FDFT1: variants seen among roughly 807,000 people sequenced by gnomAD.
The protein encoded by FDFT1 is squalene synthase.
FDFT1 carries 68 observed loss-of-function variants against 46.8 expected under a neutral mutation model. The observed-to-expected ratio is 1.45, with a 90% CI of 1.19 to 1.78. The LOEUF is 1.78. Among genes scored for constraint, FDFT1 ranks in the 40% most tolerant of loss-of-function variants. FDFT1 has a pLI of 0.00. For missense variants in FDFT1, 928 were observed against 524.4 expected (o/e 1.77, Z -7.52); for synonymous variants, 351 against 185.1 (o/e 1.90, Z -7.28).
At chr8:11,804,600 C>CAT (rs777091099) in intron 1 of FDFT1, among the ~76,000 whole-genome samples, 4 of 97,364 alleles carry the variant, frequency 4.1e-5, no homozygotes, top group Admixed American at 1.4e-4. Flanking sequence ...CTTAGTTTCT[C>CAT]TTTTTTTTTT....
intron 4 of FDFT1, among the ~76,000 whole-genome samples, chr8:11,825,262 G>C (rs2645426): frequency 0.6 from 90,392 of 151,790 alleles, 27,480 homozygotes; most frequent in Middle Eastern, 0.64. Flanking sequence ...TAAAGCTAGG[G>C]CGGGCACGGT....
chr8:11,813,638 T>C (rs1285050251), intron 3 of FDFT1, among the ~76,000 whole-genome samples: 1 of 152,212 alleles, frequency 6.6e-6, no homozygotes, highest in East Asian at 1.9e-4. Flanking sequence ...ATCAGAGGAA[T>C]TTGTATCTGT....
At position 11,809,761 on chromosome 8, in the gene FDFT1, C is replaced by T. The variant is rs754425838; in HGVS notation, c.292C>T (p.His98Tyr). The T allele has an allele frequency of 6.2e-7, 1 of 1,613,966 alleles. No individual in the cohort carries two copies. The highest frequency in any genetic ancestry group is 8.5e-7 in the Non-Finnish European group (1 of 1,179,962). Residue 98 changes from histidine to tyrosine, a missense_variant, in exon 3 of 8, where the codon CAC (histidine) becomes TAC (tyrosine). Coordinates refer to ENST00000220584, the MANE Select transcript of FDFT1 (RefSeq NM_004462.5). ...ISVEKKVPLL[H>Y]NFHSFLYQPD... ...TGTGGAAAAGAAGGTCCCGCTGTTA[C>T]ACAACTTTCACTCTTTCCTTTACCA... is the stretch of plus-strand genomic sequence containing the variant.
chr8:11,816,354 C>CT (rs1808448984), intron 3 of FDFT1, among the ~76,000 whole-genome samples: 2 of 152,262 alleles, frequency 1.3e-5, no homozygotes, highest in Admixed American at 6.5e-5. Context: ...TATGCAGGCT[C>CT]TTTTTTGCTT....
At chr8:11,813,103 G>C (rs1016184760) in intron 3 of FDFT1, among the ~76,000 whole-genome samples, 1 of 152,166 alleles carries the variant, frequency 6.6e-6, no homozygotes, top group African/African-American at 2.4e-5. Flanking sequence ...GAGCACAGTG[G>C]TAAGTATTTG....
At chr8:11,803,955 G>C (rs1405019205) in intron 1 of FDFT1, 1 of 152,254 alleles carries the variant, frequency 6.6e-6, no homozygotes, top group Non-Finnish European at 1.5e-5. Flanking sequence ...TACATTATTT[G>C]AATTATTTTG....
upstream of FDFT1, chr8:11,802,631 C>G (rs375224673): frequency 3.4e-6 from 2 of 592,178 alleles, no homozygotes; most frequent in African/African-American, 1.9e-5. Flanking sequence ...CGTCAGCCCA[C>G]CCCACGAGGC....
upstream of FDFT1, among the ~76,000 whole-genome samples, chr8:11,799,071 A>C (rs916469487): frequency 1.5e-4 from 23 of 152,218 alleles, no homozygotes; most frequent in African/African-American, 5.3e-4. Context: ...TGACACATTG[A>C]ACAAACATGT....
chr8:11,802,551 A>G, upstream of FDFT1: 1 of 585,934 alleles, frequency 1.7e-6, no homozygotes, highest in Non-Finnish European at 3.2e-6. Context: ...GAGTGTTATC[A>G]CGCCAGTCTC....
rs141005971 is a variant in FDFT1, at chr8:11,808,350, T to A, written c.100-444T>A. 7.4e-3 allele frequency: 9,088 copies of A among 1,231,942 alleles called. 115 individuals carry two copies. Among genetic ancestry groups the A allele is most frequent in the Admixed American group, 0.061 (1,445 of 23,500 alleles). The allele number at this position is 1,231,942 out of a possible 1,614,324, so 76.3% of individuals were successfully genotyped here. The stretch of plus-strand genomic sequence containing the variant: ...GGGCAACAGCGGGAGGAGGCGCCGG[T>A]GCGGAGCGGGAGGCCGGGGGCGGGG... On this transcript the variant is annotated intron_variant, in intron 1 of 7. Transcript: ENST00000220584.
At chr8:11,815,181 C>T (rs149195824) in intron 3 of FDFT1, among the ~76,000 whole-genome samples, 228 of 152,294 alleles carry the variant, frequency 1.5e-3, no homozygotes, top group African/African-American at 5.2e-3. Flanking sequence ...ATCCATGTCC[C>T]TGCAAAGGAC....
At position 11,823,527 on chromosome 8, in the gene FDFT1, G is replaced by A. The variant is rs562622480; in HGVS notation, c.510+1649G>A. ...TTTCAAGTGCTTTCTCTTCACCTGT[G>A]CATTCTTCCCCCTGATTAGTCTCTG... On this transcript the variant is annotated intron_variant, in intron 4 of 7. Coordinates refer to ENST00000220584, the MANE Select transcript of FDFT1 (RefSeq NM_004462.5). Among the ~76,000 whole-genome samples the A allele has an allele frequency of 2.0e-5, 3 of 151,972 alleles. No individual in the cohort carries two copies. The South Asian group carries it at 6.2e-4, about 32-fold the overall frequency.
At chr8:11,836,166 A>T (rs1277049759) in intron 7 of FDFT1, among the ~76,000 whole-genome samples, 4 of 150,838 alleles carry the variant, frequency 2.7e-5, no homozygotes, top group Non-Finnish European at 5.9e-5. Context: ...AAAAAAAAAA[A>T]ATCTACAATA....
chr8:11,832,110 C>T (rs992744474), intron 7 of FDFT1, among the ~76,000 whole-genome samples: 1 of 152,172 alleles, frequency 6.6e-6, no homozygotes, highest in Non-Finnish European at 1.5e-5. Flanking sequence ...ATTGAAAAAT[C>T]ACAGTAGGGA....
At chr8:11,802,701 G>A, upstream of FDFT1, 1 of 692,172 alleles carries the variant, frequency 1.4e-6, no homozygotes. Flanking sequence ...CGGGCGGGGC[G>A]TCGCCGTACT....
chr8:11,838,930 G>A lies in FDFT1; in HGVS notation c.*321G>A. ...TGAGATCCTACTTAGTATGATCCTGGCTAGAATGATAATTAAAAGTATTTA... is the reference window on the plus strand; with the variant it reads ...TGAGATCCTACTTAGTATGATCCTGACTAGAATGATAATTAAAAGTATTTA... On this transcript the variant is annotated 3_prime_UTR_variant, in exon 8 of 8. Coordinates refer to ENST00000220584, the MANE Select transcript of FDFT1 (RefSeq NM_004462.5). 1 of 272,502 alleles carries A rather than the reference G, an allele frequency of 3.7e-6. No homozygotes were observed. Among genetic ancestry groups the A allele is most frequent in the South Asian group, 5.3e-5 (1 of 18,870 alleles). The allele number at this position is 272,502 out of a possible 1,614,324, so 16.9% of individuals were successfully genotyped here.
At chr8:11,812,859 G>C (rs921647059) in intron 3 of FDFT1, among the ~76,000 whole-genome samples, 4 of 152,178 alleles carry the variant, frequency 2.6e-5, no homozygotes, top group Non-Finnish European at 5.9e-5. Flanking sequence ...AAATCTCATT[G>C]TATGTTAGGG....
At chr8:11,808,523 C>G (rs1001084195) in intron 1 of FDFT1, 3 of 1,333,936 alleles carry the variant, frequency 2.2e-6, no homozygotes, top group Admixed American at 3.8e-5. Context: ...TTCCCATGGC[C>G]GCAGCCGCCT....
At position 11,830,381 on chromosome 8, in the gene FDFT1, C is replaced by G. The variant is rs756951488; in HGVS notation, c.840C>G (p.Leu280=). ...ATGTCATCACCTACCTTTCGAGACT[C>G]AGAAACCAGAGTGTGTTTAACTTCT... ...IPDVITYLSR[L]RNQSVFNFCA... is the part of the protein sequence containing the mutation. The change falls in exon 6 of 8, where the codon CTC becomes CTG. Residue 280 remains leucine (L), a synonymous_variant. Coordinates refer to ENST00000220584, the MANE Select transcript of FDFT1 (RefSeq NM_004462.5). 1.9e-6 allele frequency: 3 copies of G among 1,613,698 alleles called. No individual in the cohort carries two copies. The highest frequency in any genetic ancestry group is 2.2e-5 in the South Asian group (2 of 91,060).
Sources: allele counts gnomAD v4.1 joint callset (sites outside exome capture counted in the v4.1 genomes callset), GRCh38; gene constraint gnomAD v4.1.1; transcripts MANE v1.5; gene names NCBI Gene and HGNC (gene_info 2026-07-23, HGNC 2026-07-21).